The following ITGBL1 variants were observed in gnomAD, a reference collection of about 807,000 sequenced individuals.
ITGBL1 encodes the protein integrin subunit beta like 1.
A neutral mutation model predicts 68.5 loss-of-function variants in ITGBL1; 51 were observed. The observed-to-expected ratio is 0.74, with a 90% CI of 0.59 to 0.94. The LOEUF (loss-of-function observed/expected upper bound fraction) is 0.94, where lower values mean the gene tolerates loss of function less well. Ranked by LOEUF, ITGBL1 falls within the 40% of genes least tolerant of loss-of-function variation. The pLI is 0.00. For synonymous variants in ITGBL1, 209 were observed against 227.3 expected, an observed-to-expected ratio of 0.92 and a Z score of 0.72; for missense variants, 649 against 647.4, an observed-to-expected ratio of 1.00 and a Z score of -0.03.
intron 3 of ITGBL1, among the ~76,000 whole-genome samples, chr13:101,573,766 A>G (rs1238800903): frequency 6.6e-6 from 1 of 152,140 alleles, no homozygotes; most frequent in African/African-American, 2.4e-5. Flanking sequence ...TACCTTACTC[A>G]CAAGTTCATT....
intron 2 of ITGBL1, among the ~76,000 whole-genome samples, chr13:101,461,358 G>C (rs1263445368): frequency 6.6e-6 from 1 of 152,076 alleles, no homozygotes; most frequent in East Asian, 1.9e-4. Flanking sequence ...ATCTGACCTT[G>C]TGACTCACCA....
chr13:101,701,537 T>A (rs987099660), intron 8 of ITGBL1, among the ~76,000 whole-genome samples: 5 of 151,388 alleles, frequency 3.3e-5, no homozygotes, highest in African/African-American at 9.7e-5. Context: ...CTCAAAAAAA[T>A]AAAATAAAAT....
downstream of ITGBL1, chr13:101,718,474 G>A (rs1168545604): frequency 6.6e-6 from 1 of 152,106 alleles, no homozygotes; most frequent in Admixed American, 6.6e-5. Flanking sequence ...GCTCATTCCT[G>A]TTTTTAGGAA....
chr13:101,591,187 G>A (rs1351744949), intron 6 of ITGBL1, among the ~76,000 whole-genome samples: 1 of 152,164 alleles, frequency 6.6e-6, no homozygotes, highest in Non-Finnish European at 1.5e-5. Context: ...ATGGGCGTGA[G>A]TCACCACGTC....
intron 8 of ITGBL1, among the ~76,000 whole-genome samples, chr13:101,698,173 A>T (rs2034046194): frequency 6.6e-6 from 1 of 152,244 alleles, no homozygotes; most frequent in African/African-American, 2.4e-5. Flanking sequence ...CATATGGAGA[A>T]TATAAAACCT....
chr13:101,690,619 C>T (rs939489140), intron 7 of ITGBL1, among the ~76,000 whole-genome samples: 1 of 152,036 alleles, frequency 6.6e-6, no homozygotes, highest in South Asian at 2.1e-4. Flanking sequence ...CACATCCACC[C>T]ATGAAAAAGA....
chr13:101,508,415 T>A (rs1012821346), intron 2 of ITGBL1, among the ~76,000 whole-genome samples: 1 of 152,164 alleles, frequency 6.6e-6, no homozygotes, highest in Non-Finnish European at 1.5e-5. Flanking sequence ...TGGTAGGAGT[T>A]ATTGAATTGG....
intron 2 of ITGBL1, among the ~76,000 whole-genome samples, chr13:101,505,947 C>A (rs1235360973): frequency 1.3e-5 from 2 of 152,166 alleles, no homozygotes; most frequent in Non-Finnish European, 2.9e-5. Context: ...AGCAGCAGAG[C>A]ACCAGCATCT....
chr13:101,591,571 G>A (rs979928749), intron 6 of ITGBL1, among the ~76,000 whole-genome samples: 1 of 151,980 alleles, frequency 6.6e-6, no homozygotes, highest in African/African-American at 2.4e-5. Context: ...TTAGTTAAAT[G>A]GTGAAAAGCT....
chr13:101,549,608 T>A (rs1348851829), intron 2 of ITGBL1, among the ~76,000 whole-genome samples: 1 of 151,604 alleles, frequency 6.6e-6, no homozygotes, highest in Non-Finnish European at 1.5e-5. Context: ...AAGCCAAATA[T>A]ATGAGGAGAA....
At chr13:101,648,043 C>T (rs1024338147) in intron 7 of ITGBL1, among the ~76,000 whole-genome samples, 1 of 152,150 alleles carries the variant, frequency 6.6e-6, no homozygotes, top group Admixed American at 6.6e-5. Context: ...AAGACTGCCA[C>T]CTCCCTGGCA....
At chr13:101,561,263 T>C (rs2050095743) in intron 2 of ITGBL1, among the ~76,000 whole-genome samples, 2 of 152,098 alleles carry the variant, frequency 1.3e-5, no homozygotes, top group Non-Finnish European at 2.9e-5. Flanking sequence ...CAGAAAGGAC[T>C]GGAAGATGCT....
intron 6 of ITGBL1, among the ~76,000 whole-genome samples, chr13:101,595,823 C>A (rs1453957624): frequency 6.6e-6 from 1 of 152,170 alleles, no homozygotes; most frequent in South Asian, 2.1e-4. Context: ...ATTATATGAT[C>A]TAGGAATTTC....
intron 7 of ITGBL1, among the ~76,000 whole-genome samples, chr13:101,620,876 G>A (rs1352422024): frequency 1.3e-5 from 2 of 152,142 alleles, no homozygotes; most frequent in Admixed American, 6.6e-5. Flanking sequence ...TGGTAAATGT[G>A]CCTGTCTCTT....
chr13:101,536,134 C>A (rs1270279449), intron 2 of ITGBL1, among the ~76,000 whole-genome samples: 1 of 151,712 alleles, frequency 6.6e-6, no homozygotes, highest in African/African-American at 2.4e-5. Flanking sequence ...ACATGAGATA[C>A]CATCTCACAC....
chr13:101,550,954 A>G (rs781758557), intron 2 of ITGBL1, among the ~76,000 whole-genome samples: 6 of 152,210 alleles, frequency 3.9e-5, no homozygotes, highest in African/African-American at 9.6e-5. Context: ...CATGTGAAGA[A>G]TATCTTTAGG....
chr13:101,580,174 C>A (rs2050431284), intron 5 of ITGBL1, among the ~76,000 whole-genome samples: 1 of 151,736 alleles, frequency 6.6e-6, no homozygotes, highest in Non-Finnish European at 1.5e-5. Flanking sequence ...AGTGATTATA[C>A]TTCTTTAAAA....
At chr13:101,618,694 C>T (rs551980363) in intron 7 of ITGBL1, among the ~76,000 whole-genome samples, 3 of 152,256 alleles carry the variant, frequency 2.0e-5, no homozygotes, top group African/African-American at 7.2e-5. Context: ...CTCCAACACA[C>T]ACGTTTCTGC....
At chr13:101,460,039 G>A (rs1250725625) in intron 2 of ITGBL1, among the ~76,000 whole-genome samples, 1 of 151,920 alleles carries the variant, frequency 6.6e-6, no homozygotes, top group Non-Finnish European at 1.5e-5. Flanking sequence ...ATTGTTGAAC[G>A]ATCTCCCTCC....
Sources: allele counts gnomAD v4.1 joint callset (sites outside exome capture counted in the v4.1 genomes callset), GRCh38; gene constraint gnomAD v4.1.1; transcripts MANE v1.5; gene names NCBI Gene and HGNC (gene_info 2026-07-23, HGNC 2026-07-21).